CPE: variants seen among roughly 807,000 people sequenced by gnomAD.
CPE encodes the protein carboxypeptidase E.
CPE carries 17 observed loss-of-function variants against 53.5 expected under a neutral mutation model. The observed-to-expected ratio is 0.32, with a 90% CI of 0.22 to 0.48. CPE has a LOEUF of 0.48. CPE is among the 20% of genes least tolerant of loss of function. The pLI, the probability that CPE is intolerant of heterozygous loss-of-function variation, is 0.99. For synonymous variants in CPE, 226 were observed against 228.8 expected, an observed-to-expected ratio of 0.99 and a Z score of 0.11; for missense variants, 524 against 614.7, an observed-to-expected ratio of 0.85 and a Z score of 1.56.
rs756934559 is a variant in CPE at position 165,464,541 on chromosome 4, C to T, written c.459C>T (p.Ile153=). 2 of 1,613,336 alleles carry T rather than the reference C, an allele frequency of 1.2e-6. No homozygotes were observed. The highest frequency in any genetic ancestry group is 2.2e-5 in the South Asian group (2 of 90,962). Residue 153 remains isoleucine (I), a synonymous_variant, in exon 2 of 9, where the codon ATC becomes ATT. Transcript: ENST00000402744. The part of the protein sequence containing the change: ...VNLIHSTRIH[I]MPSLNPDGFE... ...TGATCCACAGTACCCGCATTCACATCATGCCTTCCCTGAACCCAGATGGCT... is the reference window on the plus strand; with the variant it reads ...TGATCCACAGTACCCGCATTCACATTATGCCTTCCCTGAACCCAGATGGCT...
chr4:165,393,772 A>G (rs996048484), intron 1 of CPE, among the ~76,000 whole-genome samples: 2 of 152,236 alleles, frequency 1.3e-5, no homozygotes, highest in Non-Finnish European at 2.9e-5. Flanking sequence ...TCCTTAGAGC[A>G]GAACTTCTTG....
chr4:165,485,555 T>C (rs1343688100), intron 5 of CPE, among the ~76,000 whole-genome samples: 1 of 152,182 alleles, frequency 6.6e-6, no homozygotes, highest in Non-Finnish European at 1.5e-5. Flanking sequence ...AGAAATATGA[T>C]CTATGTCAAA....
chr4:165,443,898 A>G (rs962439683), intron 1 of CPE, among the ~76,000 whole-genome samples: 2 of 152,240 alleles, frequency 1.3e-5, no homozygotes, highest in Non-Finnish European at 2.9e-5. Flanking sequence ...TGCCCTTACA[A>G]TGAGACCCCA....
chr4:165,470,429 C>T (rs1732184675), intron 3 of CPE, among the ~76,000 whole-genome samples: 2 of 152,112 alleles, frequency 1.3e-5, no homozygotes, highest in Admixed American at 1.3e-4. Flanking sequence ...TCTTCCCTTA[C>T]CAGTTGAGTG....
intron 1 of CPE, among the ~76,000 whole-genome samples, chr4:165,385,729 A>G (rs1730581134): frequency 6.6e-6 from 1 of 152,210 alleles, no homozygotes; most frequent in South Asian, 2.1e-4. Context: ...AGGACACTCA[A>G]TAGGAACAAA....
rs2241816 is a variant in CPE, at chr4:165,404,163, G to A, written c.307+24635G>A. On this transcript the variant is annotated intron_variant, in intron 1 of 8. Transcript: ENST00000402744. The stretch of plus-strand genomic sequence containing the variant: ...TAGGCAGCCTCATACTTCTTGAGCC[G>A]GTCCACTATCTTCTGGGCTTCATAC... The A allele has an allele frequency of 5.9e-5, 45 of 762,036 alleles. 2 individuals carry two copies. The highest frequency in any genetic ancestry group is 4.6e-4 in the South Asian group (34 of 73,908). The allele number at this position is 762,036 out of a possible 1,614,324, so 47.2% of individuals were successfully genotyped here. A position where few individuals can be genotyped will look rare whatever the true frequency, so the allele number is the denominator to read the frequency against.
chr4:165,474,077 T>C (rs1014441387), intron 3 of CPE, among the ~76,000 whole-genome samples: 1 of 152,226 alleles, frequency 6.6e-6, no homozygotes, highest in Admixed American at 6.5e-5. Context: ...CCCACACCAA[T>C]GGCAGTTACC....
chr4:165,490,629 C>CAAAAAA (rs36034365), intron 6 of CPE, among the ~76,000 whole-genome samples: 19 of 40,994 alleles, frequency 4.6e-4, no homozygotes, highest in East Asian at 1.3e-3. Flanking sequence ...GACTCCGTCT[C>CAAAAAA]AAAAAAAAAA....
intron 1 of CPE, among the ~76,000 whole-genome samples, chr4:165,397,277 G>A (rs75350164): frequency 0.013 from 1,951 of 152,124 alleles, 36 homozygotes; most frequent in African/African-American, 0.044. Flanking sequence ...TTAAAGGCAC[G>A]ACTTACCCAC....
intron 1 of CPE, among the ~76,000 whole-genome samples, chr4:165,417,630 G>A (rs1216615748): frequency 6.6e-6 from 1 of 150,934 alleles, no homozygotes; most frequent in African/African-American, 2.4e-5. Flanking sequence ...TATGATTTTA[G>A]CCCAGAGAAA....
chr4:165,461,188 G>GAAAAAAAAAAAA (rs1553976642), intron 1 of CPE, among the ~76,000 whole-genome samples: 1 of 81,208 alleles, frequency 1.2e-5, no homozygotes, highest in African/African-American at 5.3e-5. Flanking sequence ...AAAAAAAAAA[G>GAAAAAAAAAAAA]AAAGAAAGAA....
chr4:165,403,100 C>G (rs1730895604), intron 1 of CPE, among the ~76,000 whole-genome samples: 1 of 152,110 alleles, frequency 6.6e-6, no homozygotes, highest in Non-Finnish European at 1.5e-5. Context: ...AAAGTTAACA[C>G]TGGGAATCAA....
intron 1 of CPE, among the ~76,000 whole-genome samples, chr4:165,407,514 G>T (rs1281642276): frequency 2.7e-5 from 4 of 150,650 alleles, no homozygotes; most frequent in Non-Finnish European, 5.9e-5. Flanking sequence ...CAAGTGGATT[G>T]CTGGGATTAC....
chr4:165,414,737 A>G (rs771968940), intron 1 of CPE, among the ~76,000 whole-genome samples: 9 of 152,136 alleles, frequency 5.9e-5, no homozygotes, highest in Non-Finnish European at 1.2e-4. Context: ...ATTTACATAT[A>G]TACACATATG....
chr4:165,496,373 A>T (rs907371397), intron 8 of CPE, among the ~76,000 whole-genome samples: 10 of 152,314 alleles, frequency 6.6e-5, no homozygotes, highest in Admixed American at 3.3e-4. Context: ...TAACTGGTAT[A>T]TGGTTTTGAT....
At chr4:165,405,411 C>T in intron 1 of CPE, 1 of 938,436 alleles carries the variant, frequency 1.1e-6, no homozygotes, top group Non-Finnish European at 1.8e-6. Context: ...AGATAACCAG[C>T]ATCGCTCCCT....
chr4:165,379,540 GC>G lies in CPE; in HGVS notation c.307+17del. On this transcript the variant is annotated intron_variant, in intron 1 of 8. Coordinates refer to ENST00000402744, the MANE Select transcript of CPE (RefSeq NM_001873.4). This position sits in a 1 kb window ranked among gnomAD's most constrained non-coding sequence, Gnocchi z 6.0. Reference sequence around the variant, plus strand: ...CGTCCATGAGCCTGGTAAGGGCGCTGCCCCCTGACAGCCCTGGGGGCATCCC... The same window carrying G: ...CGTCCATGAGCCTGGTAAGGGCGCTGCCCCTGACAGCCCTGGGGGCATCCC... 6.9e-7 allele frequency: 1 copy of G among 1,440,378 alleles called. No homozygotes were observed. Among genetic ancestry groups the G allele is most frequent in the Non-Finnish European group, 9.3e-7 (1 of 1,074,372 alleles). The allele number at this position is 1,440,378 out of a possible 1,614,324, so 89.2% of individuals were successfully genotyped here. A position where few individuals can be genotyped will look rare whatever the true frequency, so the allele number is the denominator to read the frequency against.
intron 1 of CPE, among the ~76,000 whole-genome samples, chr4:165,422,893 C>T (rs1023374509): frequency 4.1e-5 from 6 of 146,206 alleles, no homozygotes; most frequent in African/African-American, 1.3e-4. Context: ...AGGAGAATGG[C>T]GTGAACTCGG....
chr4:165,459,364 G>A (rs1731954755), intron 1 of CPE, among the ~76,000 whole-genome samples: 2 of 152,174 alleles, frequency 1.3e-5, no homozygotes, highest in Admixed American at 1.3e-4. Context: ...CTGTGATACG[G>A]ATGGAAAAAG....
Sources: gnomAD v4.1 joint callset for allele counts (sites outside exome capture counted in the v4.1 genomes callset) on GRCh38, gnomAD v4.1.1 for gene constraint, Gnocchi (gnomAD v3.1) non-coding constraint, MANE v1.5 for transcripts, NCBI Gene and HGNC (gene_info 2026-07-23, HGNC 2026-07-21) for gene names.